Variants in CLIC2 observed in about 807,000 individuals in gnomAD.
CLIC2 encodes the protein chloride intracellular channel protein 2.
A neutral mutation model predicts 14.8 loss-of-function variants in CLIC2; 9 were observed. The ratio of observed to expected loss-of-function variants is 0.61; its 90% CI spans 0.37 to 1.06. The LOEUF is 1.06. Ranked by LOEUF, CLIC2 falls within the 50% of genes least tolerant of loss-of-function variation. CLIC2 has a pLI of 0.01. For synonymous variants in CLIC2, 61 were observed against 66.3 expected, an observed-to-expected ratio of 0.92 and a Z score of 0.39; for missense variants, 148 against 181.4, an observed-to-expected ratio of 0.82 and a Z score of 1.06.
At chrX:155,283,567 C>T (rs368503822) in intron 3 of CLIC2, among the ~76,000 whole-genome samples, 5 of 111,370 alleles carry the variant, frequency 4.5e-5, no homozygotes, top group East Asian at 2.8e-4. Flanking sequence ...CCCCACCCCC[C>T]GACAGGCCCC....
At chrX:155,317,608 T>C (rs2075099604) in intron 1 of CLIC2, among the ~76,000 whole-genome samples, 2 of 111,574 alleles carry the variant, frequency 1.8e-5, no homozygotes, top group South Asian at 7.4e-4. Flanking sequence ...ACCAGACAGA[T>C]TTACAGCTGC....
rs142128908 is a variant in CLIC2 at position 155,282,174 on chromosome X, C to T, written c.294-2106G>A. Among the ~76,000 whole-genome samples, 5 of 112,017 alleles carry T rather than the reference C, an allele frequency of 4.5e-5. No homozygotes were observed. In the East Asian group the frequency reaches 1.4e-3, roughly 32 times the overall value. On this transcript the variant is annotated intron_variant, in intron 3 of 5. Transcript: ENST00000369449. ...GGTCTGCCCGTAGGTGAGGGGGACACATGGACATCCCTTGCTCCCACTTTT... is the reference window on the plus strand; with the variant it reads ...GGTCTGCCCGTAGGTGAGGGGGACATATGGACATCCCTTGCTCCCACTTTT...
chrX:155,286,036 C>T (rs2074941578), intron 3 of CLIC2, among the ~76,000 whole-genome samples: 1 of 110,897 alleles, frequency 9.0e-6, no homozygotes, highest in East Asian at 2.8e-4. Context: ...CATAGGTGAA[C>T]TCATGTCATG....
chrX:155,296,401 A>C (rs781871059), intron 3 of CLIC2, among the ~76,000 whole-genome samples: 2 of 111,995 alleles, frequency 1.8e-5, no homozygotes, highest in East Asian at 5.5e-4. Context: ...TCAAAACTAT[A>C]AAAATAATAA....
chrX:155,334,410 G>A lies in CLIC2; in HGVS notation c.18C>T (p.Pro6=), dbSNP rs782641436. The A allele has an allele frequency of 2.0e-5, 24 of 1,207,839 alleles. No homozygotes were observed. The South Asian group carries it at 2.5e-4, about 12-fold the overall frequency. The part of the protein sequence containing the change: MSGLR[P]GTQVDPEIEL... ...CAATCTCAGGGTCCACTTGAGTGCC[G>A]GGCCGCAGGCCTGACATCTTTGTCT... Residue 6 remains proline, a synonymous_variant, in exon 1 of 6, where the codon CCC becomes CCT. Coordinates refer to ENST00000369449, the MANE Select transcript of CLIC2 (RefSeq NM_001289.6).
chrX:155,319,756 G>A (rs1440956277), intron 1 of CLIC2, among the ~76,000 whole-genome samples: 1 of 111,639 alleles, frequency 9.0e-6, no homozygotes, highest in African/African-American at 3.3e-5. Flanking sequence ...GGAGCCAAGT[G>A]GTCTAGCTCA....
At chrX:155,293,426 T>A in intron 3 of CLIC2, 1 of 693,985 alleles carries the variant, frequency 1.4e-6, no homozygotes, top group Admixed American at 2.2e-5. Flanking sequence ...CCTTCTTGCC[T>A]GGATATAAAG....
intron 3 of CLIC2, among the ~76,000 whole-genome samples, chrX:155,294,615 T>C (rs1557318151): frequency 1.8e-5 from 2 of 111,712 alleles, no homozygotes; most frequent in South Asian, 7.3e-4. Context: ...TTGGTTTTTG[T>C]TAAATTGATA....
intron 1 of CLIC2, among the ~76,000 whole-genome samples, chrX:155,306,232 A>T: frequency 9.0e-6 from 1 of 111,287 alleles, no homozygotes; most frequent in Non-Finnish European, 1.9e-5. Context: ...TAGCACCATC[A>T]TCTTGTTAAT....
intron 1 of CLIC2, among the ~76,000 whole-genome samples, chrX:155,324,667 A>G (rs1265043302): frequency 1.9e-4 from 21 of 111,651 alleles, no homozygotes; most frequent in African/African-American, 5.9e-4. Context: ...AACCCTAGAA[A>G]AAAACCTAGG....
intron 3 of CLIC2, chrX:155,290,963 C>A (rs1327489591): frequency 2.8e-6 from 2 of 720,838 alleles, no homozygotes; most frequent in Non-Finnish European, 2.2e-6. Context: ...ATTGTGAGAG[C>A]AAACATTTTT....
intron 3 of CLIC2, among the ~76,000 whole-genome samples, chrX:155,283,422 AT>A (rs1489748831): frequency 9.0e-6 from 1 of 111,113 alleles, no homozygotes; most frequent in African/African-American, 3.3e-5. Context: ...TATGCAATGT[AT>A]TTTTTTCATT....
chrX:155,280,988 G>GAGAT lies in CLIC2; in HGVS notation c.294-924_294-921dup, dbSNP rs1358595048. ...ACAGATGAATGGATATAGAAATTGT[G>GAGAT]AGATATATATATATATATATATATA... On this transcript the variant is annotated intron_variant, in intron 3 of 5. Coordinates refer to ENST00000369449, the MANE Select transcript of CLIC2 (RefSeq NM_001289.6). 2.6e-4 allele frequency among the ~76,000 whole-genome samples: 14 copies of GAGAT among 54,785 alleles called. No homozygotes were observed. The East Asian group carries it at 0.014, about 55-fold the overall frequency. The allele number at this position is 54,785 out of a possible 115,157, so 47.6% of individuals were successfully genotyped here.
At chrX:155,301,415 T>C (rs1226620956) in intron 1 of CLIC2, among the ~76,000 whole-genome samples, 1 of 111,247 alleles carries the variant, frequency 9.0e-6, no homozygotes, top group Non-Finnish European at 1.9e-5. Context: ...CTGTGATTTT[T>C]GCACATTGAT....
intron 3 of CLIC2, among the ~76,000 whole-genome samples, chrX:155,288,154 G>A (rs1346358137): frequency 1.8e-5 from 2 of 111,833 alleles, no homozygotes; most frequent in African/African-American, 3.3e-5. Flanking sequence ...CTATTGGGTT[G>A]AGAGTATGGG....
Position 155,334,414 on chromosome X carries a change from C to T in CLIC2, c.14G>A (p.Arg5Gln), listed in dbSNP as rs1557323108. 5.8e-6 allele frequency: 7 copies of T among 1,207,758 alleles called. No individual in the cohort carries two copies. The highest frequency in any genetic ancestry group is 3.5e-5 in the South Asian group (2 of 56,811). ...CTCAGGGTCCACTTGAGTGCCGGGCCGCAGGCCTGACATCTTTGTCTTTAC... is the reference window on the plus strand; with the variant it reads ...CTCAGGGTCCACTTGAGTGCCGGGCTGCAGGCCTGACATCTTTGTCTTTAC... The part of the protein sequence containing the change: MSGL[R>Q]PGTQVDPEIE... Residue 5 changes from arginine to glutamine, a missense_variant, in exon 1 of 6, where the codon CGG becomes CAG. Transcript: ENST00000369449.
intron 3 of CLIC2, chrX:155,292,061 G>T: frequency 1.8e-6 from 1 of 555,305 alleles, no homozygotes; most frequent in South Asian, 2.3e-5. Context: ...CTCAGGAGAT[G>T]GTTCTAGGAG....
At chrX:155,285,931 G>A (rs1315572975) in intron 3 of CLIC2, among the ~76,000 whole-genome samples, 1 of 109,147 alleles carries the variant, frequency 9.2e-6, no homozygotes, top group African/African-American at 3.3e-5. Context: ...CAGAGGGAGG[G>A]GGGCTCCAAA....
chrX:155,305,551 G>C (rs1187540239), intron 1 of CLIC2, among the ~76,000 whole-genome samples: 1 of 112,378 alleles, frequency 8.9e-6, no homozygotes, highest in Non-Finnish European at 1.9e-5. Context: ...CGCTCATCCT[G>C]GGAGCTGTAG....
Sources: gnomAD v4.1 joint callset for allele counts (sites outside exome capture counted in the v4.1 genomes callset) on GRCh38, gnomAD v4.1.1 for gene constraint, MANE v1.5 for transcripts, NCBI Gene and HGNC (gene_info 2026-07-23, HGNC 2026-07-21) for gene names.